Variants in HNF4G observed in about 807,000 individuals in gnomAD.
HNF4G encodes hepatocyte nuclear factor 4-gamma.
In HNF4G, 21 loss-of-function variants were observed where a neutral mutation model predicts 50.9. That is an observed-to-expected ratio of 0.41 (90% CI 0.29 to 0.59). The LOEUF (loss-of-function observed/expected upper bound fraction) is 0.59. Ranked by LOEUF, HNF4G falls within the 20% of genes least tolerant of loss-of-function variation. The pLI, the probability that HNF4G is intolerant of heterozygous loss-of-function variation, is 0.26. For missense variants in HNF4G, 527 were observed against 559.4 expected (o/e 0.94, Z 0.58); for synonymous variants, 198 against 185.6 (o/e 1.07, Z -0.54).
intron 1 of HNF4G, among the ~76,000 whole-genome samples, chr8:75,439,601 A>G (rs912869479): frequency 1.3e-5 from 2 of 152,082 alleles, no homozygotes; most frequent in African/African-American, 2.4e-5. Context: ...TACTAAAGAT[A>G]AAGACAATGA....
intron 1 of HNF4G, among the ~76,000 whole-genome samples, chr8:75,410,678 G>T (rs1302191834): frequency 6.6e-6 from 1 of 152,156 alleles, no homozygotes; most frequent in African/African-American, 2.4e-5. Context: ...CCAAAGAGAA[G>T]ATTCACACCC....
rs546362581 is a variant in HNF4G at position 75,486,425 on chromosome 8, T to A, written c.-143-3664T>A. 6.1e-4 allele frequency among the ~76,000 whole-genome samples: 93 copies of A among 152,312 alleles called. 1 individual carries two copies. Among genetic ancestry groups the A allele is most frequent in the Non-Finnish European group, 5.0e-4 (34 of 68,034 alleles). On this transcript the variant is annotated intron_variant, in intron 1 of 10. Transcript: ENST00000354370. The stretch of plus-strand genomic sequence containing the variant: ...TGATTTGGCCATCTTTCTTTTTCCT[T>A]CATTGATCATATACATGTTGAATCT...
upstream of HNF4G, among the ~76,000 whole-genome samples, chr8:75,537,829 C>T (rs1806509437): frequency 6.6e-6 from 1 of 151,806 alleles, no homozygotes; most frequent in African/African-American, 2.4e-5. Flanking sequence ...GTTTTACAAA[C>T]AGTAGCATCC....
At chr8:75,523,193 C>G (rs912762204) in intron 2 of HNF4G, among the ~76,000 whole-genome samples, 5 of 151,934 alleles carry the variant, frequency 3.3e-5, no homozygotes, top group African/African-American at 9.7e-5. Context: ...CCACTGCACT[C>G]CAGCCTGGCA....
chr8:75,439,554 A>T (rs1811224051), intron 1 of HNF4G, among the ~76,000 whole-genome samples: 1 of 151,960 alleles, frequency 6.6e-6, no homozygotes, highest in South Asian at 2.1e-4. Flanking sequence ...AACATATTAC[A>T]TTTTTTCTTA....
intron 1 of HNF4G, among the ~76,000 whole-genome samples, chr8:75,437,225 A>G (rs1563505917): frequency 6.6e-6 from 1 of 152,248 alleles, no homozygotes; most frequent in Non-Finnish European, 1.5e-5. Context: ...TGAATAAGGC[A>G]TAGACATTTC....
At chr8:75,521,424 T>C (rs755621696) in intron 2 of HNF4G, among the ~76,000 whole-genome samples, 2 of 152,246 alleles carry the variant, frequency 1.3e-5, no homozygotes, top group Non-Finnish European at 2.9e-5. Flanking sequence ...CTATTGATAA[T>C]ATTTTAATAC....
intron 1 of HNF4G, among the ~76,000 whole-genome samples, chr8:75,440,718 G>A (rs1218665893): frequency 3.9e-5 from 6 of 152,024 alleles, no homozygotes; most frequent in Admixed American, 1.3e-4. Flanking sequence ...AAATTTTACA[G>A]CCCTAATTTA....
intron 2 of HNF4G, among the ~76,000 whole-genome samples, chr8:75,518,291 C>T (rs1805946562): frequency 6.6e-6 from 1 of 151,918 alleles, no homozygotes; most frequent in African/African-American, 2.4e-5. Flanking sequence ...TTTCCAGCTT[C>T]ATCCATGTCC....
Position 75,558,418 on chromosome 8 carries a change from A to C in HNF4G, c.734-100A>C, listed in dbSNP as rs959663170. ...TACATCACTATTCCTTCAAGGGTAG[A>C]CTATTTTAAACACCGGTTTGTTAAA... On this transcript the variant is annotated intron_variant, in intron 6 of 9. Coordinates refer to ENST00000396423, the MANE Select transcript of HNF4G (RefSeq NM_004133.5). The C allele has an allele frequency of 3.9e-6, 4 of 1,032,812 alleles. No homozygotes were observed. The African/African-American group carries it at 6.4e-5, about 17-fold the overall frequency. The allele number at this position is 1,032,812 out of a possible 1,614,324, so 64.0% of individuals were successfully genotyped here. A position where few individuals can be genotyped will look rare whatever the true frequency, so the allele number is the denominator to read the frequency against.
At chr8:75,437,984 A>G (rs926752525) in intron 1 of HNF4G, among the ~76,000 whole-genome samples, 3 of 152,164 alleles carry the variant, frequency 2.0e-5, no homozygotes, top group African/African-American at 7.2e-5. Flanking sequence ...ATATTTTATG[A>G]CTGTAGGAGC....
At chr8:75,449,716 C>T (rs962207485) in intron 1 of HNF4G, among the ~76,000 whole-genome samples, 1 of 151,826 alleles carries the variant, frequency 6.6e-6, no homozygotes, top group Non-Finnish European at 1.5e-5. Flanking sequence ...ACCGTGTTAG[C>T]CCGGATGGTC....
At chr8:75,430,861 A>C (rs1811000688) in intron 1 of HNF4G, among the ~76,000 whole-genome samples, 1 of 152,218 alleles carries the variant, frequency 6.6e-6, no homozygotes, top group Non-Finnish European at 1.5e-5. Context: ...CAGTGAAAGA[A>C]ATCAGTAAAA....
At chr8:75,504,025 C>A (rs1479937301) in intron 2 of HNF4G, among the ~76,000 whole-genome samples, 1 of 151,998 alleles carries the variant, frequency 6.6e-6, no homozygotes, top group South Asian at 2.1e-4. Flanking sequence ...AGTTCCAGAC[C>A]AGCCTGGCCA....
intron 1 of HNF4G, among the ~76,000 whole-genome samples, chr8:75,543,255 C>A (rs1056442567): frequency 2.6e-5 from 4 of 151,806 alleles, no homozygotes; most frequent in African/African-American, 9.7e-5. Context: ...CATGGACTTA[C>A]CAAGGGATTG....
chr8:75,425,799 C>A (rs1810879336), intron 1 of HNF4G, among the ~76,000 whole-genome samples: 1 of 151,728 alleles, frequency 6.6e-6, no homozygotes, highest in South Asian at 2.1e-4. Context: ...AATCTACTGT[C>A]GATGGTTAAT....
intron 1 of HNF4G, among the ~76,000 whole-genome samples, chr8:75,421,040 T>C (rs750333419): frequency 6.6e-6 from 1 of 152,220 alleles, no homozygotes; most frequent in Non-Finnish European, 1.5e-5. Context: ...CGCAGGTAAG[T>C]AGAAACAAAG....
chr8:75,474,120 A>C (rs1812186286), intron 1 of HNF4G, among the ~76,000 whole-genome samples: 2 of 152,202 alleles, frequency 1.3e-5, no homozygotes, highest in Admixed American at 1.3e-4. Context: ...TTACTTTGAA[A>C]GAAAGAGATT....
At chr8:75,485,715 A>C (rs1288688093) in intron 1 of HNF4G, 4 of 152,216 alleles carry the variant, frequency 2.6e-5, no homozygotes, top group African/African-American at 9.6e-5. Context: ...AACTCACCAA[A>C]GTAAAACATA....
Sources: allele counts gnomAD v4.1 joint callset (sites outside exome capture counted in the v4.1 genomes callset), GRCh38; gene constraint gnomAD v4.1.1; transcripts MANE v1.5; gene names NCBI Gene and HGNC (gene_info 2026-07-23, HGNC 2026-07-21).